The following KATNAL2 variants were observed in gnomAD, a reference collection of about 807,000 sequenced individuals.
The protein encoded by KATNAL2 is katanin p60 ATPase-containing subunit A-like 2.
Under a neutral mutation model 76.3 loss-of-function variants are expected in KATNAL2, and 52 were observed. The observed-to-expected ratio is 0.68, with a 90% confidence interval of 0.55 to 0.86. The LOEUF (loss-of-function observed/expected upper bound fraction) is 0.86, where lower values mean the gene tolerates loss of function less well. Ranked by LOEUF, KATNAL2 falls within the 40% of genes least tolerant of loss-of-function variation. The pLI is 0.00. For synonymous variants in KATNAL2, 243 were observed against 244.2 expected, an observed-to-expected ratio of 1.00 and a Z score of 0.05; for missense variants, 660 against 668.9, an observed-to-expected ratio of 0.99 and a Z score of 0.15.
At chr18:47,086,300 C>G (rs1228245890) in intron 15 of KATNAL2, among the ~76,000 whole-genome samples, 1 of 152,122 alleles carries the variant, frequency 6.6e-6, no homozygotes, top group Non-Finnish European at 1.5e-5. Context: ...TGCCTTCAGT[C>G]CTGCCTGTAG....
chr18:46,922,920 AATATT>A (rs2058613964), intron 1 of KATNAL2, among the ~76,000 whole-genome samples: 1 of 148,106 alleles, frequency 6.8e-6, no homozygotes, highest in Admixed American at 6.8e-5. Flanking sequence ...TTTAATATAT[AATATT>A]ATATATGATA....
At chr18:46,956,339 C>G (rs1424978759) in intron 3 of KATNAL2, among the ~76,000 whole-genome samples, 1 of 152,216 alleles carries the variant, frequency 6.6e-6, no homozygotes, top group Non-Finnish European at 1.5e-5. Context: ...ATTAGTGACA[C>G]TAACACTACT....
chr18:46,923,215 TC>T (rs2058625877), intron 1 of KATNAL2, among the ~76,000 whole-genome samples: 1 of 31,578 alleles, frequency 3.2e-5, no homozygotes, highest in Non-Finnish European at 6.1e-5. Context: ...CCCTCCCCCC[TC>T]CCCCCACCCC....
chr18:46,936,400 G>GA (rs1316238420), intron 1 of KATNAL2, among the ~76,000 whole-genome samples: 7 of 152,036 alleles, frequency 4.6e-5, no homozygotes, highest in Non-Finnish European at 8.8e-5. Context: ...ATAATAACCA[G>GA]AAAATCTTAA....
At chr18:47,042,881 G>A (rs555912949) in intron 3 of KATNAL2, among the ~76,000 whole-genome samples, 37 of 152,214 alleles carry the variant, frequency 2.4e-4, no homozygotes, top group Admixed American at 7.8e-4. Flanking sequence ...GGCAGTGAAT[G>A]GAAAATGACC....
At chr18:46,959,417 C>T (rs563137324) in intron 3 of KATNAL2, among the ~76,000 whole-genome samples, 116 of 152,198 alleles carry the variant, frequency 7.6e-4, no homozygotes, top group African/African-American at 2.6e-3. Context: ...AATTAGACAA[C>T]CTGGAACATG....
At chr18:46,929,931 C>T (rs541668482) in intron 1 of KATNAL2, among the ~76,000 whole-genome samples, 6 of 152,132 alleles carry the variant, frequency 3.9e-5, no homozygotes, top group East Asian at 1.9e-4. Flanking sequence ...CATGCCACCA[C>T]GCCGGGCTAA....
At chr18:47,032,097 G>T (rs1469257619) in intron 3 of KATNAL2, among the ~76,000 whole-genome samples, 1 of 152,174 alleles carries the variant, frequency 6.6e-6, no homozygotes, top group Non-Finnish European at 1.5e-5. Flanking sequence ...ACCTAAATAA[G>T]CTGATTAATG....
chr18:47,054,295 A>C lies in KATNAL2; in HGVS notation c.290-101A>C, dbSNP rs546882831. The C allele has an allele frequency of 3.6e-5, 39 of 1,084,860 alleles. No homozygotes were observed. The South Asian group carries it at 5.4e-4, about 15-fold the overall frequency. 67.2% of individuals were successfully genotyped at this position (1,084,860 alleles called of 1,614,324 possible). On this transcript the variant is annotated intron_variant, in intron 5 of 17. Coordinates refer to ENST00000683218, the MANE Select transcript of KATNAL2 (RefSeq NM_001387690.1). ...CTAGATTCCAATTGGTTAAAACTCA[A>C]ATTTTAAGAACAATGCAAAAAGGGG...
chr18:46,942,866 T>C (rs2059286215), intron 1 of KATNAL2, among the ~76,000 whole-genome samples: 1 of 152,126 alleles, frequency 6.6e-6, no homozygotes, highest in Non-Finnish European at 1.5e-5. Flanking sequence ...TGGTTGGATG[T>C]TGGATATTGT....
chr18:47,082,224 G>T (rs2062559469), intron 15 of KATNAL2, among the ~76,000 whole-genome samples: 1 of 152,154 alleles, frequency 6.6e-6, no homozygotes, highest in Non-Finnish European at 1.5e-5. Context: ...GACATTTTCA[G>T]GCCAGATAAT....
At chr18:47,037,130 C>A (rs762100668) in intron 3 of KATNAL2, among the ~76,000 whole-genome samples, 1 of 152,126 alleles carries the variant, frequency 6.6e-6, no homozygotes, top group Admixed American at 6.5e-5. Flanking sequence ...GAAATTGAAA[C>A]GAGCTCATGC....
At chr18:47,091,422 A>G (rs1427895076) in intron 15 of KATNAL2, 1 of 152,222 alleles carries the variant, frequency 6.6e-6, no homozygotes, top group East Asian at 1.9e-4. Flanking sequence ...GGAGACATTA[A>G]AACAGAGTAA....
intron 4 of KATNAL2, among the ~76,000 whole-genome samples, chr18:47,047,811 G>C (rs1338849057): frequency 6.6e-6 from 1 of 151,922 alleles, no homozygotes; most frequent in Non-Finnish European, 1.5e-5. Context: ...TGGGCTCAAG[G>C]GATCCTCTCA....
At chr18:47,073,973 A>G (rs769346719) in intron 13 of KATNAL2, among the ~76,000 whole-genome samples, 3 of 152,166 alleles carry the variant, frequency 2.0e-5, no homozygotes, top group Non-Finnish European at 2.9e-5. Flanking sequence ...TTTAGTGAGC[A>G]CCTTAAAAAC....
At chr18:47,032,885 T>C in intron 3 of KATNAL2, 2 of 1,579,108 alleles carry the variant, frequency 1.3e-6, no homozygotes, top group Non-Finnish European at 1.7e-6. Context: ...ATTCAAAGGC[T>C]CAACTTTGCA....
rs1849470913 is a variant in KATNAL2 at position 47,101,198 on chromosome 18, A to AAATAGG, written c.*193_*194insAATAGG. The AAATAGG allele has an allele frequency of 1.7e-6, 1 of 594,754 alleles. No homozygotes were observed. The highest frequency in any genetic ancestry group is 3.0e-5 in the Admixed American group (1 of 33,118). The allele number at this position is 594,754 out of a possible 1,614,324, so 36.8% of individuals were successfully genotyped here. A position where few individuals can be genotyped will look rare whatever the true frequency, so the allele number is the denominator to read the frequency against. ...ACTTACCATTATCGATGTCAGCAAAATATTGAGAGTTTCAGTTACATACAT... is the reference window on the plus strand; with the variant it reads ...ACTTACCATTATCGATGTCAGCAAAAAATAGGTATTGAGAGTTTCAGTTACATACAT... On this transcript the variant is annotated 3_prime_UTR_variant, in exon 18 of 18. Coordinates refer to ENST00000683218, the MANE Select transcript of KATNAL2 (RefSeq NM_001387690.1).
At chr18:46,945,080 T>C (rs144008280) in intron 1 of KATNAL2, among the ~76,000 whole-genome samples, 74 of 152,336 alleles carry the variant, frequency 4.9e-4, no homozygotes, top group Middle Eastern at 6.8e-3. Flanking sequence ...TATACTAACA[T>C]TGTTTTCTAA....
intron 13 of KATNAL2, among the ~76,000 whole-genome samples, chr18:47,071,252 G>A (rs1486136941): frequency 2.0e-5 from 3 of 151,960 alleles, no homozygotes; most frequent in Admixed American, 1.3e-4. Context: ...CTCCCGCCTC[G>A]GGCTCCCAAA....
Sources: gnomAD v4.1 joint callset for allele counts (sites outside exome capture counted in the v4.1 genomes callset) on GRCh38, gnomAD v4.1.1 for gene constraint, MANE v1.5 for transcripts, NCBI Gene and HGNC (gene_info 2026-07-23, HGNC 2026-07-21) for gene names.